The following ZNF77 variants were observed in gnomAD, a reference collection of about 807,000 sequenced individuals.
ZNF77 encodes the protein ZNFpT1.
A neutral mutation model predicts 13.5 loss-of-function variants in ZNF77; 15 were observed. The observed-to-expected ratio is 1.11, with a 90% CI of 0.74 to 1.71. The LOEUF (loss-of-function observed/expected upper bound fraction) is 1.71. ZNF77 is among the 40% of genes most tolerant of loss of function. The probability of loss-of-function intolerance (pLI) is 0.00; values close to 1 mark genes in which losing one functional copy is unlikely to be tolerated. For missense variants in ZNF77, 717 were observed against 676.4 expected (o/e 1.06, Z -0.67); for synonymous variants, 282 against 250.0 (o/e 1.13, Z -1.21).
At chr19:2,944,097 G>A (rs2088475210) in intron 1 of ZNF77, among the ~76,000 whole-genome samples, 1 of 151,342 alleles carries the variant, frequency 6.6e-6, no homozygotes, top group South Asian at 2.1e-4. Context: ...GCCCCTGACG[G>A]CTCCTGCCCT....
chr19:2,938,742 G>A (rs1476955749), intron 2 of ZNF77, among the ~76,000 whole-genome samples: 1 of 152,122 alleles, frequency 6.6e-6, no homozygotes, highest in Admixed American at 6.6e-5. Context: ...GGATCACGAG[G>A]TCAGGAGATC....
At chr19:2,940,923 C>T (rs2088443396) in intron 1 of ZNF77, among the ~76,000 whole-genome samples, 1 of 151,972 alleles carries the variant, frequency 6.6e-6, no homozygotes, top group African/African-American at 2.4e-5. Flanking sequence ...GCCTATACTC[C>T]CAGCACTTTG....
intron 2 of ZNF77, among the ~76,000 whole-genome samples, chr19:2,938,723 A>C (rs74382080): frequency 2.8e-4 from 43 of 152,234 alleles, no homozygotes; most frequent in Middle Eastern, 3.4e-3. Context: ...TTGGGAGGCC[A>C]AGGCGGGCGG....
Position 2,944,893 on chromosome 19 carries a change from G to T in ZNF77, c.-53C>A. ...GTTAGCGCCCCGCGGTCCAGCGACC[G>T]GCGCAGGTGAGCACGACAGGACACC... On this transcript the variant is annotated 5_prime_UTR_variant, in exon 1 of 4. Transcript: ENST00000314531. 11 of 1,516,284 alleles carry T rather than the reference G, an allele frequency of 7.3e-6. No individual in the cohort carries two copies. The highest frequency in any genetic ancestry group is 9.7e-6 in the Non-Finnish European group (11 of 1,138,210). The allele number at this position is 1,516,284 out of a possible 1,614,324, so 93.9% of individuals were successfully genotyped here. A position where few individuals can be genotyped will look rare whatever the true frequency, so the allele number is the denominator to read the frequency against.
intron 3 of ZNF77, among the ~76,000 whole-genome samples, chr19:2,935,492 T>C (rs2088388425): frequency 1.2e-5 from 1 of 85,616 alleles, no homozygotes; most frequent in South Asian, 4.0e-4. Context: ...TAATTCTTTT[T>C]CGTATTTTTT....
At chr19:2,942,081 T>A (rs1036369610) in intron 1 of ZNF77, among the ~76,000 whole-genome samples, 7 of 151,976 alleles carry the variant, frequency 4.6e-5, no homozygotes, top group African/African-American at 1.7e-4. Context: ...TATTCTTTTT[T>A]TTTTTTTTGA....
chr19:2,938,586 A>T (rs1366563541), intron 2 of ZNF77, among the ~76,000 whole-genome samples: 1 of 152,210 alleles, frequency 6.6e-6, no homozygotes, highest in Non-Finnish European at 1.5e-5. Context: ...TTTGACTCCC[A>T]TGTTCCATGG....
intron 1 of ZNF77, among the ~76,000 whole-genome samples, chr19:2,944,252 G>C (rs1003541588): frequency 1.7e-5 from 2 of 114,400 alleles, no homozygotes; most frequent in Admixed American, 2.4e-4. Flanking sequence ...CTGAGCCCCT[G>C]ACTGCTTCTG....
At chr19:2,939,750 T>C (rs1352554871) in intron 1 of ZNF77, 5 of 293,112 alleles carry the variant, frequency 1.7e-5, no homozygotes, top group Admixed American at 9.7e-5. Flanking sequence ...GGTGCGAGGA[T>C]TGCTTAGGGC....
rs146879198 is a variant in ZNF77 at position 2,934,109 on chromosome 19, G to A, written c.1018C>T (p.Arg340Ter). ...GKAFTCYSSL[R>*]EHGRTHSGEK... ...CCACTGTGCGTTCTCCCATGTTCTC[G>A]AAGAGACGAGTAACAAGTGAACGCT... The change falls in exon 4 of 4, where the codon CGA becomes TGA. Residue 340 changes from arginine (R) to a stop codon, truncating the protein, a stop_gained. Coordinates refer to ENST00000314531, the MANE Select transcript of ZNF77 (RefSeq NM_021217.3). LOFTEE classifies it low-confidence loss of function (END_TRUNC). 138 of 1,613,570 alleles carry A rather than the reference G, an allele frequency of 8.6e-5. 1 individual carries two copies. The highest frequency in any genetic ancestry group is 2.4e-4 in the South Asian group (22 of 91,054).
At chr19:2,943,075 C>T (rs2088464282) in intron 1 of ZNF77, among the ~76,000 whole-genome samples, 1 of 152,280 alleles carries the variant, frequency 6.6e-6, no homozygotes, top group Non-Finnish European at 1.5e-5. Context: ...AGCCACCGCG[C>T]CAGGCCTAGC....
chr19:2,936,642 T>G lies in ZNF77; in HGVS notation c.193A>C (p.Ile65Leu), dbSNP rs760352101. The change falls in exon 3 of 4, where the codon ATA (isoleucine) becomes CTA (leucine). Residue 65 changes from isoleucine to leucine, a missense_variant. Coordinates refer to ENST00000314531, the MANE Select transcript of ZNF77 (RefSeq NM_021217.3). ...TTTACAATCTCTTCATCATTGGATA[T>G]TCCATTCCCAAAAACGTCCCTCTGA... ...SSQRDVFGNG[I>L]SNDEEIVKFT... The G allele has an allele frequency of 2.8e-5, 45 of 1,610,566 alleles. 1 individual carries two copies. In the East Asian group the frequency reaches 6.5e-4, roughly 23 times the overall value.
At chr19:2,943,858 C>T (rs1004000827) in intron 1 of ZNF77, among the ~76,000 whole-genome samples, 1 of 151,786 alleles carries the variant, frequency 6.6e-6, no homozygotes, top group Admixed American at 6.6e-5. Context: ...TGCAGGCGCC[C>T]GCCACCACGC....
At position 2,933,951 on chromosome 19, in the gene ZNF77, G is replaced by A. The variant is rs763352703; in HGVS notation, c.1176C>T (p.Pro392=). The A allele has an allele frequency of 2.0e-5, 32 of 1,614,052 alleles. 3 individuals are homozygous for A. In the South Asian group the frequency reaches 3.0e-4, roughly 15 times the overall value. Reference sequence around the variant, plus strand: ...TTTTCACATGTCTTCTAAAGTAAGTGGGACATCCGAAGGCCTTCCCACACT... The same window carrying A: ...TTTTCACATGTCTTCTAAAGTAAGTAGGACATCCGAAGGCCTTCCCACACT... ...CKQCGKAFGC[P]TYFRRHVKTH... Residue 392 remains proline, a synonymous_variant, in exon 4 of 4, where the codon CCC becomes CCT. Transcript: ENST00000314531.
chr19:2,938,087 A>G (rs1186262272), intron 2 of ZNF77, among the ~76,000 whole-genome samples: 1 of 152,048 alleles, frequency 6.6e-6, no homozygotes, highest in Non-Finnish European at 1.5e-5. Flanking sequence ...CACGATGCCA[A>G]ACGGAACCTT....
chr19:2,941,971 T>C, intron 1 of ZNF77, among the ~76,000 whole-genome samples: 1 of 151,978 alleles, frequency 6.6e-6, no homozygotes, highest in East Asian at 1.9e-4. Context: ...CTTCTCGGGC[T>C]AAGCCATGGT....
intron 1 of ZNF77, among the ~76,000 whole-genome samples, chr19:2,940,688 A>G (rs2088441634): frequency 6.6e-6 from 1 of 151,794 alleles, no homozygotes; most frequent in African/African-American, 2.4e-5. Flanking sequence ...GAAAAAAAAA[A>G]AAAAAAAAAG....
chr19:2,944,801 G>C, intron 1 of ZNF77, 37 bp downstream of exon 1: 1 of 1,504,688 alleles, frequency 6.6e-7, no homozygotes, highest in South Asian at 1.2e-5. Context: ...GCCCCACCTC[G>C]CCCTGGGCCC....
At position 2,934,438 on chromosome 19, in the gene ZNF77, T is replaced by C. The variant is rs201716697; in HGVS notation, c.689A>G (p.His230Arg). ...AFICPSSFRG[H>R]VNSHHGQKTH... is the part of the protein sequence containing the mutation. The stretch of plus-strand genomic sequence containing the variant: ...TTTCTGCCCATGATGACTATTCACA[T>C]GTCCCCTGAAAGATGAGGGACAAAT... The change falls in exon 4 of 4, where the codon CAT becomes CGT. Residue 230 changes from histidine to arginine, a missense_variant. Transcript: ENST00000314531. 1.2e-6 allele frequency: 2 copies of C among 1,614,234 alleles called. No individual in the cohort carries two copies. Among genetic ancestry groups the C allele is most frequent in the East Asian group, 2.2e-5 (1 of 44,888 alleles).
Sources: gnomAD v4.1 joint callset for allele counts (sites outside exome capture counted in the v4.1 genomes callset) on GRCh38, gnomAD v4.1.1 for gene constraint, MANE v1.5 for transcripts, NCBI Gene and HGNC (gene_info 2026-07-23, HGNC 2026-07-21) for gene names.